Variants in CORO1C observed in about 807,000 individuals in gnomAD.
CORO1C encodes coronin-1C.
CORO1C carries 14 observed loss-of-function variants against 51.2 expected under a neutral mutation model. The observed-to-expected ratio is 0.27, with a 90% confidence interval of 0.18 to 0.43. The LOEUF (loss-of-function observed/expected upper bound fraction) is 0.43. Ranked by LOEUF, CORO1C falls within the 20% of genes least tolerant of loss-of-function variation. CORO1C has a pLI of 1.00. For missense variants in CORO1C, 417 were observed against 607.8 expected, an observed-to-expected ratio of 0.69 and a Z score of 3.30; for synonymous variants, 181 against 210.5, an observed-to-expected ratio of 0.86 and a Z score of 1.21.
intron 1 of CORO1C, among the ~76,000 whole-genome samples, chr12:108,714,316 G>A (rs533659296): frequency 6.7e-6 from 1 of 150,360 alleles, no homozygotes; most frequent in East Asian, 2.0e-4. Context: ...TTGAACCCGG[G>A]AGGCAGATGT....
intron 1 of CORO1C, among the ~76,000 whole-genome samples, chr12:108,712,662 G>A (rs946625610): frequency 4.0e-5 from 6 of 149,346 alleles, no homozygotes; most frequent in Non-Finnish European, 8.9e-5. Flanking sequence ...GACACCCAAA[G>A]CAAATATAGG....
intron 1 of CORO1C, among the ~76,000 whole-genome samples, chr12:108,716,914 T>C (rs781294902): frequency 1.3e-5 from 2 of 152,244 alleles, no homozygotes; most frequent in Non-Finnish European, 2.9e-5. Flanking sequence ...GCTTTGACCA[T>C]GCGCCTAGCA....
At chr12:108,690,787 T>C (rs2034467961) in intron 2 of CORO1C, among the ~76,000 whole-genome samples, 1 of 152,218 alleles carries the variant, frequency 6.6e-6, no homozygotes, top group Non-Finnish European at 1.5e-5. Flanking sequence ...AGGTAGAATC[T>C]AGTTAAAATA....
At chr12:108,662,324 TTTTG>T (rs1416458892) in intron 3 of CORO1C, among the ~76,000 whole-genome samples, 166 bp from the exon 4 acceptor site, 1 of 152,082 alleles carries the variant, frequency 6.6e-6, no homozygotes, top group Non-Finnish European at 1.5e-5. Context: ...GCGGTTTTTT[TTTTG>T]TTTGTTTTTT....
chr12:108,695,611 C>A (rs1290212160), intron 2 of CORO1C, among the ~76,000 whole-genome samples: 1 of 152,074 alleles, frequency 6.6e-6, no homozygotes, highest in African/African-American at 2.4e-5. Context: ...AAGGCAACAT[C>A]TGAGCTGGAT....
Position 108,652,315 on chromosome 12 carries a change from T to A in CORO1C, c.958A>T (p.Met320Leu). ...SKEPQRGMGYMPKRGLDVNKC... is the reference protein window; with the variant it reads ...SKEPQRGMGYLPKRGLDVNKC... ...TTAACATCAAGTCCCCTCTTGGGCATGTAACCCATCCCTCTCTGAGGCTCC... is the reference window on the plus strand; with the variant it reads ...TTAACATCAAGTCCCCTCTTGGGCAAGTAACCCATCCCTCTCTGAGGCTCC... Residue 320 changes from methionine (M) to leucine (L), a missense_variant, in exon 8 of 11, where the codon ATG becomes TTG. Transcript: ENST00000261401. 6.2e-7 allele frequency: 1 copy of A among 1,614,178 alleles called. No homozygotes were observed. Among genetic ancestry groups the A allele is most frequent in the Non-Finnish European group, 8.5e-7 (1 of 1,179,990 alleles).
chr12:108,728,341 TAA>T (rs34199304), intron 1 of CORO1C, among the ~76,000 whole-genome samples: 86 of 145,276 alleles, frequency 5.9e-4, no homozygotes, highest in African/African-American at 2.0e-3. Context: ...ATTTGACCAT[TAA>T]AAAAAAAAAA....
intron 2 of CORO1C, among the ~76,000 whole-genome samples, chr12:108,682,635 A>G (rs2034163486): frequency 6.6e-6 from 1 of 152,236 alleles, no homozygotes; most frequent in Non-Finnish European, 1.5e-5. Flanking sequence ...CAAAATTAAT[A>G]TGAATACAGA....
At chr12:108,699,862 C>T (rs750234716) in intron 2 of CORO1C, among the ~76,000 whole-genome samples, 7 of 152,138 alleles carry the variant, frequency 4.6e-5, no homozygotes, top group Non-Finnish European at 1.0e-4. Flanking sequence ...ATTTGTTCCC[C>T]AAAGGCACCC....
chr12:108,724,909 A>G lies in CORO1C; in HGVS notation c.-6+6520T>C, dbSNP rs1025068898. On this transcript the variant is annotated intron_variant, in intron 1 of 10. Coordinates refer to ENST00000261401, the MANE Select transcript of CORO1C (RefSeq NM_014325.4). ...ATCCAAATGACAGGCCTAATTTAACATACCATAAAACTATAGAGGCTCTTT... is the reference window on the plus strand; with the variant it reads ...ATCCAAATGACAGGCCTAATTTAACGTACCATAAAACTATAGAGGCTCTTT... Among the ~76,000 whole-genome samples, 160 of 152,328 alleles carry G rather than the reference A, an allele frequency of 1.1e-3. 1 individual carries two copies. Among genetic ancestry groups the G allele is most frequent in the African/African-American group, 3.5e-3 (146 of 41,588 alleles).
chr12:108,713,334 G>C (rs1592942971), intron 1 of CORO1C, among the ~76,000 whole-genome samples: 2 of 152,154 alleles, frequency 1.3e-5, no homozygotes, highest in East Asian at 3.8e-4. Context: ...GAATAGCCTT[G>C]ATGTTGGTTC....
chr12:108,726,183 C>G (rs1409832725), intron 1 of CORO1C, among the ~76,000 whole-genome samples: 1 of 151,930 alleles, frequency 6.6e-6, no homozygotes, highest in Non-Finnish European at 1.5e-5. Flanking sequence ...TCTGGGAGGC[C>G]GAGGCGGGCG....
chr12:108,726,581 A>G (rs2035598360), intron 1 of CORO1C, among the ~76,000 whole-genome samples: 1 of 151,710 alleles, frequency 6.6e-6, no homozygotes, highest in African/African-American at 2.4e-5. Context: ...AGGCTAAGGT[A>G]GGAGACTTGC....
intron 2 of CORO1C, among the ~76,000 whole-genome samples, chr12:108,699,813 C>T (rs1161450542): frequency 6.6e-6 from 1 of 152,192 alleles, no homozygotes; most frequent in South Asian, 2.1e-4. Context: ...AAAGATTCAT[C>T]TTCGCCAATA....
chr12:108,654,157 A>C (rs982312883), intron 7 of CORO1C, 149 bp downstream of exon 7: 1 of 572,002 alleles, frequency 1.7e-6, no homozygotes, highest in Non-Finnish European at 3.1e-6. Context: ...AGACCTAAAA[A>C]TACCAAATTA....
At chr12:108,651,762 G>T (rs2032668178) in intron 8 of CORO1C, among the ~76,000 whole-genome samples, 1 of 152,244 alleles carries the variant, frequency 6.6e-6, no homozygotes, top group South Asian at 2.1e-4. Context: ...GGCAGGAAAT[G>T]AGGTATTAAT....
chr12:108,697,175 G>T (rs573708113), intron 2 of CORO1C, among the ~76,000 whole-genome samples: 1 of 152,240 alleles, frequency 6.6e-6, no homozygotes, highest in African/African-American at 2.4e-5. Context: ...GCTTTCAAAA[G>T]AAATTCATGG....
Position 108,678,402 on chromosome 12 carries a change from AAG to A in CORO1C, c.196-10_196-9del. 6.4e-7 allele frequency: 1 copy of A among 1,569,160 alleles called. No individual in the cohort carries two copies. Among genetic ancestry groups the A allele is most frequent in the South Asian group, 1.2e-5 (1 of 85,560 alleles). ...TTTGTCAATTCGACCAGTCTGAAAGAAGAGAGAAACAAACCTATTATGTAATA... is the reference window on the plus strand; with the variant it reads ...TTTGTCAATTCGACCAGTCTGAAAGAAGAGAAACAAACCTATTATGTAATA... On this transcript the variant is annotated splice_polypyrimidine_tract_variant and intron_variant, in intron 2 of 10. Coordinates refer to ENST00000261401, the MANE Select transcript of CORO1C (RefSeq NM_014325.4).
intron 6 of CORO1C, among the ~76,000 whole-genome samples, chr12:108,656,073 C>T (rs1187974000): frequency 1.3e-5 from 2 of 151,378 alleles, no homozygotes; most frequent in African/African-American, 2.4e-5. Flanking sequence ...CTGGCCGACC[C>T]GTCTGAGAAG....
Sources: gnomAD v4.1 joint callset for allele counts (sites outside exome capture counted in the v4.1 genomes callset) on GRCh38, gnomAD v4.1.1 for gene constraint, MANE v1.5 for transcripts, NCBI Gene and HGNC (gene_info 2026-07-23, HGNC 2026-07-21) for gene names.